LRGUK: variants seen among roughly 807,000 people sequenced by gnomAD.
LRGUK encodes the protein leucine-rich repeat and guanylate kinase domain-containing protein.
Under a neutral mutation model 76.0 loss-of-function variants are expected in LRGUK, and 65 were observed. The ratio of observed to expected loss-of-function variants is 0.85; its 90% CI spans 0.70 to 1.05. The LOEUF (loss-of-function observed/expected upper bound fraction) is 1.05. LRGUK is among the 50% of genes least tolerant of loss of function. LRGUK has a pLI of 0.00. For missense variants in LRGUK, 758 were observed against 732.8 expected, an observed-to-expected ratio of 1.03 and a Z score of -0.40; for synonymous variants, 268 against 265.6, an observed-to-expected ratio of 1.01 and a Z score of -0.09.
chr7:134,145,204 G>A (rs1046588954), intron 4 of LRGUK, among the ~76,000 whole-genome samples: 2 of 151,960 alleles, frequency 1.3e-5, no homozygotes, highest in Admixed American at 1.3e-4. Context: ...GTGTAGACCT[G>A]GGAAGGAATG....
chr7:134,148,403 C>A, intron 5 of LRGUK, 84 bp downstream of exon 5: 2 of 774,090 alleles, frequency 2.6e-6, no homozygotes, highest in South Asian at 1.6e-5. Context: ...TATTAGATTA[C>A]ATGGACTAGT....
intron 1 of LRGUK, among the ~76,000 whole-genome samples, chr7:134,130,097 T>C (rs978791985): frequency 2.0e-5 from 3 of 152,214 alleles, no homozygotes; most frequent in Non-Finnish European, 4.4e-5. Context: ...CCTCTTTTTT[T>C]ACTTCCTTCT....
intron 12 of LRGUK, among the ~76,000 whole-genome samples, chr7:134,193,075 G>C (rs1227888943): frequency 6.6e-6 from 1 of 152,192 alleles, no homozygotes. Context: ...TATACATGGT[G>C]CCTGTTTTCT....
downstream of LRGUK, among the ~76,000 whole-genome samples, chr7:134,213,840 TA>T (rs1194877256): frequency 1.3e-5 from 2 of 152,218 alleles, no homozygotes; most frequent in African/African-American, 4.8e-5. Flanking sequence ...TTTTTACACA[TA>T]GAATAACAAT....
At chr7:134,143,092 T>C in exon 4 of LRGUK, 3 of 1,607,648 alleles carry the variant, frequency 1.9e-6, no homozygotes, top group Non-Finnish European at 2.6e-6. Context: ...ATGCCTTATC[T>C]CCTAGAACTT....
Position 134,184,419 on chromosome 7 carries a change from G to A in LRGUK, c.1334+566G>A, listed in dbSNP as rs1004868282. Among the ~76,000 whole-genome samples the A allele has an allele frequency of 2.6e-5, 4 of 151,810 alleles. No individual in the cohort carries two copies. The South Asian group carries it at 8.4e-4, about 32-fold the overall frequency. The stretch of plus-strand genomic sequence containing the variant: ...CAAGTAGCTGGGACTACAGGCGGCT[G>A]CCACCATGCCTGGCTAATTTTTTGT... On this transcript the variant is annotated intron_variant, in intron 11 of 15. Coordinates refer to ENST00000645682, the Ensembl canonical transcript of LRGUK.
intron 16 of LRGUK, among the ~76,000 whole-genome samples, chr7:134,222,702 A>G (rs866849752): frequency 2.6e-5 from 4 of 151,726 alleles, no homozygotes; most frequent in Middle Eastern, 3.4e-3. Context: ...TCCGCCTCCC[A>G]GGTTCAAGCG....
At chr7:134,155,545 C>G (rs1304035414) in intron 5 of LRGUK, among the ~76,000 whole-genome samples, 1 of 152,146 alleles carries the variant, frequency 6.6e-6, no homozygotes, top group Non-Finnish European at 1.5e-5. Flanking sequence ...CCTTATTTAC[C>G]TCTTTCTCTG....
chr7:134,184,678 C>G (rs1799908593), intron 11 of LRGUK, among the ~76,000 whole-genome samples: 1 of 152,208 alleles, frequency 6.6e-6, no homozygotes, highest in Admixed American at 6.5e-5. Context: ...ACCAGCATGG[C>G]TCATTCATGC....
At position 134,159,046 on chromosome 7, in the gene LRGUK, T is replaced by A. The variant is rs573122339; in HGVS notation, c.795+887T>A. Among the ~76,000 whole-genome samples, 43 of 152,278 alleles carry A rather than the reference T, an allele frequency of 2.8e-4. 2 individuals are homozygous for A. In the South Asian group the frequency reaches 8.5e-3, roughly 30 times the overall value. The stretch of plus-strand genomic sequence containing the variant: ...GGGTTGTTGAAACTGTTGCTTGAAA[T>A]GACATCTTGGGCCATGCACTGCAAC... On this transcript the variant is annotated intron_variant, in intron 6 of 15. Coordinates refer to ENST00000645682, the Ensembl canonical transcript of LRGUK.
chr7:134,226,246 G>GTC (rs1801758817), intron 16 of LRGUK, among the ~76,000 whole-genome samples: 1 of 150,670 alleles, frequency 6.6e-6, no homozygotes, highest in Non-Finnish European at 1.5e-5. Flanking sequence ...GTGTGTGTGT[G>GTC]TGTGTGTGTG....
At chr7:134,166,744 A>G (rs1008712392) in intron 7 of LRGUK, among the ~76,000 whole-genome samples, 56 of 152,054 alleles carry the variant, frequency 3.7e-4, no homozygotes, top group African/African-American at 1.2e-3. Flanking sequence ...TATTCCACTC[A>G]ATTTTTGTGC....
intron 6 of LRGUK, among the ~76,000 whole-genome samples, chr7:134,160,273 A>G (rs1798668621): frequency 6.6e-6 from 1 of 152,182 alleles, no homozygotes; most frequent in Admixed American, 6.5e-5. Context: ...ATCCATGTTG[A>G]TAGTTCTGTC....
At chr7:134,158,209 TAGTAACTAC>T in intron 6 of LRGUK, 50 bp downstream of exon 6, 2 of 1,507,556 alleles carry the variant, frequency 1.3e-6, no homozygotes, top group Non-Finnish European at 1.8e-6. Context: ...TTAATGCTTT[TAGTAACTAC>T]ATGAATTATG....
intron 16 of LRGUK, among the ~76,000 whole-genome samples, chr7:134,229,744 T>C (rs1413877647): frequency 6.6e-6 from 1 of 151,998 alleles, no homozygotes; most frequent in African/African-American, 2.4e-5. Context: ...AGCCCAGAAA[T>C]AGATCCATGC....
the LRGUK span, among the ~76,000 whole-genome samples, chr7:134,270,845 T>A: frequency 6.6e-6 from 1 of 152,084 alleles, no homozygotes; most frequent in Non-Finnish European, 1.5e-5. Flanking sequence ...CATTCTTGTG[T>A]AGGGGTGGAA....
intron 19 of LRGUK, among the ~76,000 whole-genome samples, chr7:134,261,250 C>T (rs548816515): frequency 6.6e-6 from 1 of 152,084 alleles, no homozygotes; most frequent in South Asian, 2.1e-4. Flanking sequence ...TTTACATGAA[C>T]TGTCAAACTA....
intron 11 of LRGUK, among the ~76,000 whole-genome samples, chr7:134,184,989 C>T (rs534794956): frequency 1.6e-4 from 24 of 152,320 alleles, no homozygotes; most frequent in Admixed American, 3.3e-4. Context: ...CATGTGCCAA[C>T]GGCACTGGAG....
Position 134,134,866 on chromosome 7 carries a change from G to A in LRGUK, c.298-2157G>A, listed in dbSNP as rs534557031. Reference sequence around the variant, plus strand: ...TCATCAATTAGTAGTAACAGAAATCGTCATCTATTGGGAACACTACGTTGC... The same window carrying A: ...TCATCAATTAGTAGTAACAGAAATCATCATCTATTGGGAACACTACGTTGC... On this transcript the variant is annotated intron_variant, in intron 1 of 15. Coordinates refer to ENST00000645682, the Ensembl canonical transcript of LRGUK. Among the ~76,000 whole-genome samples the A allele has an allele frequency of 4.3e-4, 65 of 152,286 alleles. No homozygotes were observed. In the Middle Eastern group the frequency reaches 0.02, roughly 48 times the overall value.
Sources: allele counts gnomAD v4.1 joint callset (sites outside exome capture counted in the v4.1 genomes callset), GRCh38; gene constraint gnomAD v4.1.1; transcripts MANE v1.5; gene names NCBI Gene and HGNC (gene_info 2026-07-23, HGNC 2026-07-21).